The following TOX variants were observed in gnomAD, a reference collection of about 807,000 sequenced individuals.
TOX encodes thymocyte selection-associated high mobility group box protein TOX.
A neutral mutation model predicts 53.7 loss-of-function variants in TOX; 11 were observed. That is an observed-to-expected ratio of 0.20 (90% CI 0.13 to 0.34). The LOEUF is 0.34. Among genes scored for constraint, TOX ranks in the 10% least tolerant of loss-of-function variants. TOX has a pLI of 1.00. For missense variants in TOX, 570 were observed against 664.6 expected, an observed-to-expected ratio of 0.86 and a Z score of 1.56; for synonymous variants, 225 against 245.3, an observed-to-expected ratio of 0.92 and a Z score of 0.77.
At chr8:59,064,981 C>T (rs564596865) in intron 1 of TOX, among the ~76,000 whole-genome samples, 26 of 152,190 alleles carry the variant, frequency 1.7e-4, no homozygotes, top group Middle Eastern at 3.4e-3. Flanking sequence ...AAAAAAGCGC[C>T]CTGAGGCTTC....
In TOX at chr8:58,851,006, C is replaced by A. The variant is rs1295383913; in HGVS notation, c.693+518G>T. 1.3e-5 allele frequency among the ~76,000 whole-genome samples: 2 copies of A among 152,022 alleles called. No individual in the cohort carries two copies. Among genetic ancestry groups the A allele is most frequent in the African/African-American group, 4.8e-5 (2 of 41,378 alleles). ...CAAATAAACAACTATATTGGTAAGG[C>A]GTTAACAAAAGGTATGCAATGAATC... On this transcript the variant is annotated intron_variant, in intron 4 of 8. Coordinates refer to ENST00000361421, the MANE Select transcript of TOX (RefSeq NM_014729.3). The surrounding 1 kb of genome is among the most constrained non-coding windows in gnomAD (Gnocchi z 4.4).
chr8:58,928,535 T>C (rs977223482), intron 3 of TOX, among the ~76,000 whole-genome samples: 2 of 152,178 alleles, frequency 1.3e-5, no homozygotes, highest in Non-Finnish European at 2.9e-5. Context: ...TACATACATA[T>C]ATACATACAG....
intron 6 of TOX, among the ~76,000 whole-genome samples, chr8:58,817,291 C>T (rs1185750543): frequency 6.6e-6 from 1 of 151,758 alleles, no homozygotes; most frequent in African/African-American, 2.4e-5. Flanking sequence ...TCAGTATTAA[C>T]ATTAAAAACA....
chr8:59,008,168 T>C lies in TOX; in HGVS notation c.103-48160A>G, dbSNP rs1434870070. Among the ~76,000 whole-genome samples the C allele has an allele frequency of 2.0e-5, 3 of 152,350 alleles. No individual in the cohort carries two copies. The East Asian group carries it at 5.8e-4, about 29-fold the overall frequency. ...TGATTGCCATTTCCCTCAGGTCAGT[T>C]GGTAAAAGACTGCCCAAATGATCTG... On this transcript the variant is annotated intron_variant, in intron 1 of 8. Transcript: ENST00000361421.
intron 1 of TOX, among the ~76,000 whole-genome samples, chr8:59,071,131 C>T (rs190262096): frequency 1.4e-4 from 21 of 152,212 alleles, no homozygotes; most frequent in Admixed American, 1.0e-3. Context: ...AGACATGGGG[C>T]GGGTATCTAT....
intron 5 of TOX, among the ~76,000 whole-genome samples, chr8:58,833,317 C>A (rs553250397): frequency 6.6e-6 from 1 of 152,182 alleles, no homozygotes; most frequent in Non-Finnish European, 1.5e-5. Context: ...GCCGGCTTGC[C>A]GTGGCTAAAA....
chr8:59,054,395 C>T (rs1410324453), intron 1 of TOX, among the ~76,000 whole-genome samples: 3 of 152,054 alleles, frequency 2.0e-5, no homozygotes, highest in Non-Finnish European at 2.9e-5. Context: ...CCCAAATGTC[C>T]GAGATCAGGA....
chr8:59,095,035 A>G (rs1051791959), intron 1 of TOX, among the ~76,000 whole-genome samples: 1 of 152,240 alleles, frequency 6.6e-6, no homozygotes, highest in Non-Finnish European at 1.5e-5. Flanking sequence ...CATTTCTTTT[A>G]CAGCACTTCA....
At chr8:59,090,305 A>C (rs1316012615) in intron 1 of TOX, among the ~76,000 whole-genome samples, 2 of 152,184 alleles carry the variant, frequency 1.3e-5, no homozygotes, top group Non-Finnish European at 2.9e-5. Flanking sequence ...AATTATCTGC[A>C]TACTAGTTGC....
chr8:58,937,294 G>C (rs888440031), intron 3 of TOX, among the ~76,000 whole-genome samples: 5 of 152,192 alleles, frequency 3.3e-5, no homozygotes, highest in African/African-American at 1.2e-4. Flanking sequence ...GCAAAGTGTT[G>C]AAAGTTCCTA....
rs112467932 is a variant in TOX, at chr8:58,928,133, T to C, written c.411+11169A>G. Reference sequence around the variant, plus strand: ...AGTTCCTGGGTTCTATCATTCACTATACATACCACCTGCAGATCTGAGGCA... The same window carrying C: ...AGTTCCTGGGTTCTATCATTCACTACACATACCACCTGCAGATCTGAGGCA... On this transcript the variant is annotated intron_variant, in intron 3 of 8. Transcript: ENST00000361421. Among the ~76,000 whole-genome samples, 1,023 of 152,364 alleles carry C rather than the reference T, an allele frequency of 6.7e-3. 6 individuals are homozygous for C. The highest frequency in any genetic ancestry group is 0.024 in the African/African-American group (978 of 41,592).
intron 1 of TOX, among the ~76,000 whole-genome samples, chr8:59,021,108 C>CA (rs35493437): frequency 0.36 from 32,681 of 92,016 alleles, 7,257 homozygotes; most frequent in South Asian, 0.51. Context: ...GACCCTGTCT[C>CA]AAAAAAAAAA....
At chr8:59,004,613 T>G (rs1813753379) in intron 1 of TOX, among the ~76,000 whole-genome samples, 1 of 152,226 alleles carries the variant, frequency 6.6e-6, no homozygotes, top group Non-Finnish European at 1.5e-5. Flanking sequence ...TGTGTAGGAT[T>G]CCAGCTTCCA....
At position 58,838,117 on chromosome 8, in the gene TOX, A is replaced by C; in HGVS notation, c.888T>G (p.Ala296=). The C allele has an allele frequency of 1.2e-6, 2 of 1,614,140 alleles. No homozygotes were observed. Among genetic ancestry groups the C allele is most frequent in the African/African-American group, 1.3e-5 (1 of 75,030 alleles). ...CTTCTCCTAAACCGTCCCACATTGA[A>C]GCCACAATTTTAGAGACTTCGCCAA... ...ATFGEVSKIV[A]SMWDGLGEEQ... The change falls in exon 5 of 9, where the codon GCT becomes GCG. Residue 296 remains alanine (A), a synonymous_variant. Transcript: ENST00000361421.
intron 1 of TOX, among the ~76,000 whole-genome samples, chr8:59,107,342 C>G (rs1804932767): frequency 6.6e-6 from 1 of 152,104 alleles, no homozygotes; most frequent in Non-Finnish European, 1.5e-5. Flanking sequence ...AACATCTAAT[C>G]AAAGACTGTG....
intron 7 of TOX, among the ~76,000 whole-genome samples, chr8:58,812,017 T>C (rs1810086139): frequency 6.6e-6 from 1 of 152,100 alleles, no homozygotes; most frequent in Non-Finnish European, 1.5e-5. Flanking sequence ...TGTCTCTCTT[T>C]CTCTCTCTCT....
chr8:58,925,632 G>A (rs1005083909), intron 3 of TOX, among the ~76,000 whole-genome samples: 4 of 152,158 alleles, frequency 2.6e-5, no homozygotes, highest in Admixed American at 6.5e-5. Flanking sequence ...CCTAGGACGA[G>A]CCCATCTTTC....
chr8:58,829,109 G>A (rs1403507338), intron 5 of TOX, among the ~76,000 whole-genome samples: 1 of 152,160 alleles, frequency 6.6e-6, no homozygotes, highest in Admixed American at 6.5e-5. Flanking sequence ...CAGATGGTCT[G>A]ACTACGGCAT....
At chr8:59,032,361 CTATTA>C (rs1274398351) in intron 1 of TOX, among the ~76,000 whole-genome samples, 1 of 152,198 alleles carries the variant, frequency 6.6e-6, no homozygotes, top group East Asian at 1.9e-4. Flanking sequence ...TTAATATTTA[CTATTA>C]TATTAATGAC....
Sources: allele counts gnomAD v4.1 joint callset (sites outside exome capture counted in the v4.1 genomes callset), GRCh38; gene constraint gnomAD v4.1.1; non-coding constraint Gnocchi (gnomAD v3.1); transcripts MANE v1.5; gene names NCBI Gene and HGNC (gene_info 2026-07-23, HGNC 2026-07-21).